The following ADAMTSL1 variants were observed in gnomAD, a reference collection of about 807,000 sequenced individuals.
The protein encoded by ADAMTSL1 is ADAMTS-like protein 1.
Under a neutral mutation model 201.8 loss-of-function variants are expected in ADAMTSL1, and 126 were observed. The observed-to-expected ratio is 0.62, with a 90% CI of 0.54 to 0.72. ADAMTSL1 has a LOEUF of 0.72. Among genes scored for constraint, ADAMTSL1 ranks in the 30% least tolerant of loss-of-function variants. ADAMTSL1 has a pLI of 0.00. For missense variants in ADAMTSL1, 2,679 were observed against 2,277.8 expected (o/e 1.18, Z -3.59); for synonymous variants, 1,121 against 903.4 (o/e 1.24, Z -4.32).
chr9:18,069,647 C>T (rs1304847259), intron 1 of ADAMTSL1, among the ~76,000 whole-genome samples: 1 of 152,118 alleles, frequency 6.6e-6, no homozygotes, highest in African/African-American at 2.4e-5. Flanking sequence ...TCTTTAGCTG[C>T]TGAAGTGTTT....
chr9:18,479,902 C>G (rs528895081), intron 1 of ADAMTSL1, among the ~76,000 whole-genome samples: 1 of 152,234 alleles, frequency 6.6e-6, no homozygotes, highest in East Asian at 1.9e-4. Context: ...TTGGTAAGAC[C>G]AAGTCATCAA....
At chr9:18,895,901 C>T (rs970136635) in intron 26 of ADAMTSL1, among the ~76,000 whole-genome samples, 4 of 152,154 alleles carry the variant, frequency 2.6e-5, no homozygotes, top group Admixed American at 1.3e-4. Context: ...ACATTAAAGA[C>T]AAACACTTTA....
At chr9:18,233,481 T>C (rs912779511) in intron 2 of ADAMTSL1, among the ~76,000 whole-genome samples, 5 of 152,136 alleles carry the variant, frequency 3.3e-5, no homozygotes, top group Non-Finnish European at 7.4e-5. Context: ...GATAGCTTAC[T>C]GACTCATTCA....
chr9:18,789,997 A>G (rs961678121), intron 19 of ADAMTSL1, among the ~76,000 whole-genome samples: 1 of 152,224 alleles, frequency 6.6e-6, no homozygotes, highest in Non-Finnish European at 1.5e-5. Flanking sequence ...ACAATAACAT[A>G]TCCCAGGTAG....
Position 18,908,602 on chromosome 9 carries a change from C to A in ADAMTSL1, c.*54C>A. The A allele has an allele frequency of 7.4e-7, 1 of 1,358,040 alleles. No individual in the cohort carries two copies. The highest frequency in any genetic ancestry group is 1.0e-6 in the Non-Finnish European group (1 of 980,748). The allele number at this position is 1,358,040 out of a possible 1,614,324, so 84.1% of individuals were successfully genotyped here. On this transcript the variant is annotated 3_prime_UTR_variant, in exon 29 of 29. Transcript: ENST00000380548. ...TGGCCACACGAAGGACTCACGCAAC[C>A]ACCTCGGACAGAACCTAAGCTTTCT...
chr9:18,877,989 A>G (rs7047294), intron 23 of ADAMTSL1, among the ~76,000 whole-genome samples: 1 of 151,698 alleles, frequency 6.6e-6, no homozygotes, highest in Non-Finnish European at 1.5e-5. Context: ...CAGGCCAACA[A>G]AGTTATATTC....
At chr9:18,373,676 A>C (rs1293308928) in intron 2 of ADAMTSL1, among the ~76,000 whole-genome samples, 2 of 152,126 alleles carry the variant, frequency 1.3e-5, no homozygotes, top group African/African-American at 4.8e-5. Context: ...CAGCCTAACC[A>C]TGCCACACCA....
At chr9:17,943,237 C>T (rs1166829391) in intron 1 of ADAMTSL1, among the ~76,000 whole-genome samples, 1 of 152,108 alleles carries the variant, frequency 6.6e-6, no homozygotes, top group Non-Finnish European at 1.5e-5. Context: ...CCACTGAACC[C>T]AGCCTGCAAT....
At chr9:18,798,298 C>T (rs1398649368) in intron 20 of ADAMTSL1, among the ~76,000 whole-genome samples, 1 of 152,194 alleles carries the variant, frequency 6.6e-6, no homozygotes, top group Non-Finnish European at 1.5e-5. Flanking sequence ...TATCCTGGCT[C>T]TGTCACTTCC....
At chr9:18,355,182 A>G (rs1013660024) in intron 2 of ADAMTSL1, among the ~76,000 whole-genome samples, 1 of 152,196 alleles carries the variant, frequency 6.6e-6, no homozygotes, top group South Asian at 2.1e-4. Context: ...ATCTCTTTGT[A>G]GAATGGTATC....
At chr9:18,014,850 T>C (rs1033614564) in intron 1 of ADAMTSL1, among the ~76,000 whole-genome samples, 2 of 152,006 alleles carry the variant, frequency 1.3e-5, no homozygotes, top group Admixed American at 1.3e-4. Flanking sequence ...CAGGAGTGTA[T>C]GCAGCTTGTG....
At chr9:18,397,949 G>T (rs1029411031) in intron 2 of ADAMTSL1, among the ~76,000 whole-genome samples, 5 of 152,114 alleles carry the variant, frequency 3.3e-5, no homozygotes, top group Non-Finnish European at 7.4e-5. Flanking sequence ...AGAGGCTAAT[G>T]CCCATAATGA....
rs950787704 is a variant in ADAMTSL1 at position 18,718,397 on chromosome 9, A to G, written c.1877-3139A>G. On this transcript the variant is annotated intron_variant, in intron 14 of 28. Transcript: ENST00000380548. ...GCATACACTGCTGTGCATCTACTTC[A>G]ACTTGCTTTCTATAAGAATCTTCTA... 8.6e-6 allele frequency: 6 copies of G among 697,468 alleles called. No homozygotes were observed. In the African/African-American group the frequency reaches 1.1e-4, roughly 12 times the overall value. The allele number at this position is 697,468 out of a possible 1,614,324, so 43.2% of individuals were successfully genotyped here. A position where few individuals can be genotyped will look rare whatever the true frequency, so the allele number is the denominator to read the frequency against.
chr9:18,111,884 C>T (rs1825038570), intron 1 of ADAMTSL1, among the ~76,000 whole-genome samples: 1 of 152,124 alleles, frequency 6.6e-6, no homozygotes, highest in Non-Finnish European at 1.5e-5. Context: ...CCATGCATCT[C>T]TTCAAATGGG....
chr9:18,290,446 G>A (rs1313513648), intron 2 of ADAMTSL1, among the ~76,000 whole-genome samples: 1 of 152,106 alleles, frequency 6.6e-6, no homozygotes, highest in East Asian at 1.9e-4. Context: ...TGTGGCTGGG[G>A]TTGAACCATC....
chr9:18,711,249 T>C (rs895408025), intron 14 of ADAMTSL1, among the ~76,000 whole-genome samples: 1 of 152,228 alleles, frequency 6.6e-6, no homozygotes, highest in Admixed American at 6.5e-5. Context: ...GGAGCCAAGA[T>C]GGCCGAATAG....
intron 2 of ADAMTSL1, among the ~76,000 whole-genome samples, chr9:18,221,169 A>G (rs1830244415): frequency 6.6e-6 from 1 of 152,126 alleles, no homozygotes; most frequent in Non-Finnish European, 1.5e-5. Context: ...AGAATGTTTA[A>G]TTTCAATCAC....
chr9:18,772,152 GCA>G (rs1333459406), intron 17 of ADAMTSL1, among the ~76,000 whole-genome samples: 2 of 152,156 alleles, frequency 1.3e-5, no homozygotes, highest in Non-Finnish European at 2.9e-5. Flanking sequence ...TTGGGGTATG[GCA>G]TTTGAAGAAC....
intron 2 of ADAMTSL1, among the ~76,000 whole-genome samples, chr9:18,356,368 T>C (rs1586957111): frequency 6.6e-6 from 1 of 152,034 alleles, no homozygotes; most frequent in East Asian, 1.9e-4. Context: ...TGCCTAAGCA[T>C]TTGGCTGCCT....
Sources: allele counts gnomAD v4.1 joint callset (sites outside exome capture counted in the v4.1 genomes callset), GRCh38; gene constraint gnomAD v4.1.1; transcripts MANE v1.5; gene names NCBI Gene and HGNC (gene_info 2026-07-23, HGNC 2026-07-21).